LRRC36: variants seen among roughly 807,000 people sequenced by gnomAD.
LRRC36 encodes leucine rich repeat containing 36, also known as leucine-rich repeat-containing protein 36.
A neutral mutation model predicts 81.1 loss-of-function variants in LRRC36; 62 were observed. The ratio of observed to expected loss-of-function variants is 0.76; its 90% confidence interval spans 0.62 to 0.94. LRRC36 has a LOEUF of 0.94. Among genes scored for constraint, LRRC36 ranks in the 40% least tolerant of loss-of-function variants. The pLI, the probability that LRRC36 is intolerant of heterozygous loss-of-function variation, is 0.00. For synonymous variants in LRRC36, 334 were observed against 348.6 expected (o/e 0.96, Z 0.47); for missense variants, 761 against 881.7 (o/e 0.86, Z 1.73).
chr16:67,384,624 A>G (rs1350821569), intron 13 of LRRC36, among the ~76,000 whole-genome samples: 1 of 152,240 alleles, frequency 6.6e-6, no homozygotes, highest in Non-Finnish European at 1.5e-5. Context: ...AGAACAGAAC[A>G]ACCGCTAGCT....
chr16:67,371,600 A>C (rs1375398899), intron 9 of LRRC36: 1 of 318,434 alleles, frequency 3.1e-6, no homozygotes, highest in African/African-American at 2.1e-5. Context: ...GGCTGGGCAC[A>C]GTGGCGCATG....
chr16:67,363,051 G>A (rs1164121218), intron 5 of LRRC36, among the ~76,000 whole-genome samples: 1 of 152,174 alleles, frequency 6.6e-6, no homozygotes, highest in Non-Finnish European at 1.5e-5. Flanking sequence ...CCAAAGTGCT[G>A]GGATTACAGG....
chr16:67,327,039 A>T (rs899578565), intron 1 of LRRC36, 107 bp downstream of exon 1: 2 of 996,602 alleles, frequency 2.0e-6, no homozygotes, highest in Non-Finnish European at 2.7e-6. Flanking sequence ...AGGGAACCAC[A>T]GAGAAGCGGT....
intron 9 of LRRC36, among the ~76,000 whole-genome samples, chr16:67,374,784 T>C (rs936922486): frequency 3.3e-5 from 5 of 152,152 alleles, no homozygotes; most frequent in Admixed American, 3.3e-4. Context: ...TAGACATAAA[T>C]AATATTATGC....
In LRRC36 at chr16:67,367,057, C is replaced by T; in HGVS notation, c.795C>T (p.Ser265=). The T allele has an allele frequency of 6.2e-7, 1 of 1,613,798 alleles. No homozygotes were observed. Among genetic ancestry groups the T allele is most frequent in the South Asian group, 1.1e-5 (1 of 91,028 alleles). Residue 265 remains serine (S), a synonymous_variant, in exon 8 of 14, where the codon TCC becomes TCT. Transcript: ENST00000329956. ...HYSPRQSTVR[S]PEKMTREGYQ... The stretch of plus-strand genomic sequence containing the variant: ...CGCCTCGTCAGTCCACAGTCCGATC[C>T]CCAGAGAAGATGACTAGAGAAGGGT...
At chr16:67,374,161 A>T (rs1468346441) in intron 9 of LRRC36, among the ~76,000 whole-genome samples, 2 of 151,914 alleles carry the variant, frequency 1.3e-5, no homozygotes, top group Non-Finnish European at 2.9e-5. Flanking sequence ...ACACCATTGC[A>T]CTCCAGCCTG....
chr16:67,327,040 G>C (rs2037214486), intron 1 of LRRC36, 108 bp downstream of exon 1: 1 of 1,095,576 alleles, frequency 9.1e-7, no homozygotes, highest in Non-Finnish European at 1.2e-6. Flanking sequence ...GGGAACCACA[G>C]AGAAGCGGTA....
chr16:67,373,477 C>CA (rs1329470764), intron 9 of LRRC36, among the ~76,000 whole-genome samples: 1 of 151,290 alleles, frequency 6.6e-6, no homozygotes, highest in African/African-American at 2.4e-5. Context: ...GGAGGCGAGG[C>CA]AGGCAGATCA....
chr16:67,359,227 G>A (rs759064568), intron 5 of LRRC36, among the ~76,000 whole-genome samples: 1 of 152,172 alleles, frequency 6.6e-6, no homozygotes, highest in African/African-American at 2.4e-5. Context: ...GTCCAGGAAT[G>A]AAAGCAGCAT....
At chr16:67,366,119 C>T (rs1317177072) in intron 7 of LRRC36, among the ~76,000 whole-genome samples, 1 of 146,732 alleles carries the variant, frequency 6.8e-6, no homozygotes, top group East Asian at 2.0e-4. Flanking sequence ...AGTTCGTTCT[C>T]TCTCTCTCTT....
At position 67,347,477 on chromosome 16, in the gene LRRC36, C is replaced by A; in HGVS notation, c.392-18C>A. ...GCCAAAAAAAGAAACATGCTCAGAC[C>A]ACGGTTTTTGCCTCCAGATGACCGA... On this transcript the variant is annotated intron_variant, in intron 3 of 13. Coordinates refer to ENST00000329956, the MANE Select transcript of LRRC36 (RefSeq NM_018296.6). The A allele has an allele frequency of 6.2e-7, 1 of 1,612,406 alleles. No homozygotes were observed. Among genetic ancestry groups the A allele is most frequent in the South Asian group, 1.1e-5 (1 of 90,994 alleles).
In LRRC36 at chr16:67,385,056, C is replaced by T. The variant is rs143151682; in HGVS notation, c.2232C>T (p.Ser744=). 2.1e-5 allele frequency: 34 copies of T among 1,613,884 alleles called. No individual in the cohort carries two copies. Among genetic ancestry groups the T allele is most frequent in the Non-Finnish European group, 2.5e-5 (29 of 1,179,996 alleles). ...AHETGQYLIQ[S]VLDAAPEPGL Reference sequence around the variant, plus strand: ...AGACTGGTCAGTATCTAATACAGAGCGTCTTGGATGCTGCCCCAGAGCCTG... The same window carrying T: ...AGACTGGTCAGTATCTAATACAGAGTGTCTTGGATGCTGCCCCAGAGCCTG... The change falls in exon 14 of 14, where the codon AGC becomes AGT. Residue 744 remains serine (S), a synonymous_variant. Transcript: ENST00000329956.
chr16:67,334,669 C>T (rs1427670427), intron 1 of LRRC36, among the ~76,000 whole-genome samples: 2 of 152,104 alleles, frequency 1.3e-5, no homozygotes, highest in African/African-American at 4.8e-5. Flanking sequence ...ACCTAAAAAT[C>T]CCCTGTGCCC....
Position 67,346,353 on chromosome 16 carries a change from T to G in LRRC36, c.296T>G (p.Leu99Arg). The G allele has an allele frequency of 6.2e-7, 1 of 1,612,686 alleles. No homozygotes were observed. The highest frequency in any genetic ancestry group is 8.5e-7 in the Non-Finnish European group (1 of 1,178,766). The change falls in exon 3 of 14, where the codon CTC (leucine) becomes CGC (arginine). Residue 99 changes from leucine (L) to arginine (R), a missense_variant. By Grantham distance (102) the Leu-to-Arg change is moderately radical. Around this residue, in one of 3 missense-constraint regions of LRRC36, gnomAD observed 263 missense variants for 279.3 expected, o/e 0.94. Transcript: ENST00000329956. ...EVSRLQPLPFLKELDLRLNPV... is the reference protein window; with the variant it reads ...EVSRLQPLPFRKELDLRLNPV... The stretch of plus-strand genomic sequence containing the variant: ...TCCCGTCTACAACCGTTACCCTTCC[T>G]CAAAGAACTGGATTTGAGACTTAAT...
intron 13 of LRRC36, among the ~76,000 whole-genome samples, chr16:67,383,293 TTTATA>T (rs2040182505): frequency 1.3e-5 from 2 of 152,202 alleles, no homozygotes; most frequent in South Asian, 4.1e-4. Context: ...TTTGGTTAAC[TTTATA>T]TTCAGAGGAT....
At chr16:67,357,432 T>G (rs2038950761) in intron 5 of LRRC36, among the ~76,000 whole-genome samples, 1 of 152,216 alleles carries the variant, frequency 6.6e-6, no homozygotes, top group African/African-American at 2.4e-5. Flanking sequence ...TGGAGACTAG[T>G]GAAAGACAAG....
At chr16:67,347,955 T>G (rs538928624) in intron 4 of LRRC36, among the ~76,000 whole-genome samples, 1 of 152,312 alleles carries the variant, frequency 6.6e-6, no homozygotes, top group Non-Finnish European at 1.5e-5. Context: ...TAGGATTACA[T>G]TACCATGGGC....
In LRRC36 at chr16:67,385,179, A is replaced by T; in HGVS notation, c.*90A>T. The T allele has an allele frequency of 2.2e-6, 2 of 910,350 alleles. No individual in the cohort carries two copies. Among genetic ancestry groups the T allele is most frequent in the Non-Finnish European group, 3.5e-6 (2 of 578,854 alleles). 56.4% of individuals were successfully genotyped at this position (910,350 alleles called of 1,614,324 possible). A position where few individuals can be genotyped will look rare whatever the true frequency, so the allele number is the denominator to read the frequency against. On this transcript the variant is annotated 3_prime_UTR_variant, in exon 14 of 14. Coordinates refer to ENST00000329956, the MANE Select transcript of LRRC36 (RefSeq NM_018296.6). ...AGTATGGTGGTATGTACTCACAAAG[A>T]TTAAGAAAGAAATGTATTCTGATTA...
chr16:67,346,168 C>T (rs572597138), intron 2 of LRRC36, 88 bp from the exon 3 acceptor site: 16 of 877,812 alleles, frequency 1.8e-5, no homozygotes, highest in South Asian at 1.3e-4. Flanking sequence ...TGTTTAAGGA[C>T]GGAAAGTAAC....
Sources: allele counts gnomAD v4.1 joint callset (sites outside exome capture counted in the v4.1 genomes callset), GRCh38; gene constraint gnomAD v4.1.1; regional missense constraint gnomAD v4.1.1; transcripts MANE v1.5; gene names NCBI Gene and HGNC (gene_info 2026-07-23, HGNC 2026-07-21).